STK33: variants seen among roughly 807,000 people sequenced by gnomAD.
STK33 encodes the protein serine/threonine-protein kinase 33.
In STK33, 52 loss-of-function variants were observed where a neutral mutation model predicts 58.0. The ratio of observed to expected loss-of-function variants is 0.90; its 90% CI spans 0.72 to 1.13. STK33 has a LOEUF of 1.13. Among genes scored for constraint, STK33 ranks in the 50% most tolerant of loss-of-function variants. The probability of loss-of-function intolerance (pLI) is 0.00; values close to 1 mark genes in which losing one functional copy is unlikely to be tolerated. For synonymous variants in STK33, 215 were observed against 200.1 expected (o/e 1.07, Z -0.63); for missense variants, 630 against 604.2 (o/e 1.04, Z -0.45).
At chr11:8,398,701 T>C (rs575677913) in intron 15 of STK33, among the ~76,000 whole-genome samples, 1 of 152,168 alleles carries the variant, frequency 6.6e-6, no homozygotes, top group Non-Finnish European at 1.5e-5. Flanking sequence ...ATCAGTGTGC[T>C]GTATTCAGGA....
chr11:8,522,132 A>G (rs1953509877), intron 1 of STK33, among the ~76,000 whole-genome samples: 1 of 152,234 alleles, frequency 6.6e-6, no homozygotes, highest in East Asian at 1.9e-4. Flanking sequence ...CTGGGCATAT[A>G]CCCAAAGGAT....
chr11:8,368,976 T>C, the STK33 span, among the ~76,000 whole-genome samples: 1 of 152,068 alleles, frequency 6.6e-6, no homozygotes. Flanking sequence ...GCCATCAGCG[T>C]CTGCGTCCAT....
intron 1 of STK33, among the ~76,000 whole-genome samples, chr11:8,484,725 A>T (rs1433384514): frequency 6.6e-6 from 1 of 152,238 alleles, no homozygotes; most frequent in Non-Finnish European, 1.5e-5. Flanking sequence ...AATAGTATAT[A>T]TATGATTAGG....
At chr11:8,470,098 G>C (rs942172616) in intron 6 of STK33, among the ~76,000 whole-genome samples, 11 of 152,216 alleles carry the variant, frequency 7.2e-5, no homozygotes, top group Non-Finnish European at 1.2e-4. Context: ...CTTTGGGGCT[G>C]TGAAGCCAAG....
At position 8,429,932 on chromosome 11, in the gene STK33, A is replaced by G. The variant is rs191848806; in HGVS notation, c.1146+5562T>C. 1.9e-3 allele frequency among the ~76,000 whole-genome samples: 291 copies of G among 152,276 alleles called. 1 individual carries two copies. The highest frequency in any genetic ancestry group is 6.5e-3 in the African/African-American group (272 of 41,548). ...CAGACTATCTCAGGCAAGATACTAC[A>G]TTCGAGTTCTTCCCTCAGAATCTAG... On this transcript the variant is annotated intron_variant, in intron 14 of 15. Transcript: ENST00000687296.
the STK33 span, among the ~76,000 whole-genome samples, chr11:8,372,630 G>T: frequency 6.6e-6 from 1 of 152,252 alleles, no homozygotes; most frequent in South Asian, 2.1e-4. Context: ...CCGCATAGGC[G>T]GGTTGAAGGG....
Position 8,472,523 on chromosome 11 carries a change from C to G in STK33, c.339+640G>C, listed in dbSNP as rs531822785. Among the ~76,000 whole-genome samples the G allele has an allele frequency of 4.6e-5, 7 of 152,248 alleles. No individual in the cohort carries two copies. The South Asian group carries it at 1.0e-3, about 23-fold the overall frequency. Reference sequence around the variant, plus strand: ...AAGAGTGGTCAGTCAGCTGAGCAATCAGAACATATACATTTATTAAGTATA... The same window carrying G: ...AAGAGTGGTCAGTCAGCTGAGCAATGAGAACATATACATTTATTAAGTATA... On this transcript the variant is annotated intron_variant, in intron 6 of 15. Coordinates refer to ENST00000687296, the MANE Select transcript of STK33 (RefSeq NM_001352389.2).
At chr11:8,344,230 C>CACACACA in the STK33 span, among the ~76,000 whole-genome samples, 8 of 147,492 alleles carry the variant, frequency 5.4e-5, no homozygotes, top group African/African-American at 1.8e-4. Flanking sequence ...CACACACACA[C>CACACACA]CCCAGTTAGC....
chr11:8,546,406 C>A (rs1955916218), intron 1 of STK33, among the ~76,000 whole-genome samples: 1 of 152,076 alleles, frequency 6.6e-6, no homozygotes. Context: ...ATTAGGCTAT[C>A]CATTACCTCA....
At chr11:8,562,338 CCTCTCT>C (rs1209193531) in intron 1 of STK33, among the ~76,000 whole-genome samples, 1 of 151,634 alleles carries the variant, frequency 6.6e-6, no homozygotes, top group African/African-American at 2.4e-5. Flanking sequence ...GTCTCTCTCT[CCTCTCT>C]CTCTCTCTTT....
intron 14 of STK33, among the ~76,000 whole-genome samples, chr11:8,427,674 T>C (rs1446790704): frequency 1.3e-5 from 2 of 152,216 alleles, no homozygotes; most frequent in Non-Finnish European, 2.9e-5. Context: ...TGTATAAAGT[T>C]CTACAATCTG....
Position 8,537,001 on chromosome 11 carries a change from GAC to G in STK33, c.-465-56389_-465-56388del, listed in dbSNP as rs1193451101. On this transcript the variant is annotated intron_variant, in intron 1 of 15. Transcript: ENST00000687296. ...TTTTTTTTTTTTTTTTTTTTTTTGT[GAC>G]AGAGTTTCACTCTGTCACCCAGGCT... Among the ~76,000 whole-genome samples the G allele has an allele frequency of 1.8e-3, 11 of 5,974 alleles. 1 individual carries two copies. In the East Asian group the frequency reaches 0.046, roughly 25 times the overall value. 3.9% of individuals were successfully genotyped at this position (5,974 alleles called of 152,430 possible).
intron 1 of STK33, among the ~76,000 whole-genome samples, chr11:8,534,092 T>G (rs906059377): frequency 6.6e-6 from 1 of 151,944 alleles, no homozygotes; most frequent in Non-Finnish European, 1.5e-5. Flanking sequence ...CTGGCCAACA[T>G]GGTGAAAACC....
chr11:8,586,043 A>C (rs1406209023), intron 1 of STK33, among the ~76,000 whole-genome samples: 2 of 151,476 alleles, frequency 1.3e-5, no homozygotes, highest in Non-Finnish European at 2.9e-5. Flanking sequence ...ACAAGAGCAA[A>C]ACTCCATCTC....
At chr11:8,476,068 C>T (rs191295389) in intron 4 of STK33, among the ~76,000 whole-genome samples, 6 of 152,224 alleles carry the variant, frequency 3.9e-5, no homozygotes, top group East Asian at 1.9e-4. Flanking sequence ...CAGGCTCATA[C>T]GATTTTATAA....
chr11:8,405,511 C>T (rs1262733481), intron 15 of STK33, among the ~76,000 whole-genome samples: 1 of 145,246 alleles, frequency 6.9e-6, no homozygotes, highest in Non-Finnish European at 1.5e-5. Flanking sequence ...AATATTTTCT[C>T]CCTGTCTGTG....
At chr11:8,567,363 G>A (rs956605795) in intron 1 of STK33, 1 of 152,014 alleles carries the variant, frequency 6.6e-6, no homozygotes, top group Non-Finnish European at 1.5e-5. Flanking sequence ...GTCAAAATAT[G>A]AAACATATCT....
the STK33 span, among the ~76,000 whole-genome samples, chr11:8,366,494 C>T: frequency 1.3e-5 from 2 of 152,326 alleles, no homozygotes; most frequent in East Asian, 3.9e-4. Flanking sequence ...GGGAGGCTCA[C>T]ATGTGAGGGG....
At chr11:8,559,934 C>A (rs1002949340) in intron 1 of STK33, among the ~76,000 whole-genome samples, 2 of 152,016 alleles carry the variant, frequency 1.3e-5, no homozygotes, top group Non-Finnish European at 2.9e-5. Context: ...AATATTATAG[C>A]CTAACCATTT....
Sources: gnomAD v4.1 joint callset for allele counts (sites outside exome capture counted in the v4.1 genomes callset) on GRCh38, gnomAD v4.1.1 for gene constraint, MANE v1.5 for transcripts, NCBI Gene and HGNC (gene_info 2026-07-23, HGNC 2026-07-21) for gene names.